LEPR: variants seen among roughly 807,000 people sequenced by gnomAD.
LEPR encodes OB receptor.
A neutral mutation model predicts 114.7 loss-of-function variants in LEPR; 56 were observed. That is an observed-to-expected ratio of 0.49 (90% CI 0.39 to 0.61). The LOEUF (loss-of-function observed/expected upper bound fraction) is 0.61, where lower values mean the gene tolerates loss of function less well. Among genes scored for constraint, LEPR ranks in the 20% least tolerant of loss-of-function variants. The probability of loss-of-function intolerance (pLI) is 0.00; values close to 1 mark genes in which losing one functional copy is unlikely to be tolerated. For synonymous variants in LEPR, 443 were observed against 461.4 expected, an observed-to-expected ratio of 0.96 and a Z score of 0.51; for missense variants, 1,202 against 1,352.9, an observed-to-expected ratio of 0.89 and a Z score of 1.75.
At chr1:65,499,553 T>C (rs1231307051) in intron 2 of LEPR, among the ~76,000 whole-genome samples, 3 of 152,114 alleles carry the variant, frequency 2.0e-5, no homozygotes, top group African/African-American at 7.2e-5. Context: ...GTCCCAGCCT[T>C]CACGAGTATA....
intron 2 of LEPR, among the ~76,000 whole-genome samples, chr1:65,527,947 G>A (rs1428677733): frequency 1.3e-5 from 2 of 152,094 alleles, no homozygotes; most frequent in Non-Finnish European, 1.5e-5. Context: ...AACAGCTCAC[G>A]GTCCACAGCC....
At chr1:65,503,140 T>C (rs1648543808) in intron 2 of LEPR, among the ~76,000 whole-genome samples, 1 of 152,072 alleles carries the variant, frequency 6.6e-6, no homozygotes, top group South Asian at 2.1e-4. Flanking sequence ...CAGACATTAC[T>C]GGGGTTTGGG....
chr1:65,544,725 A>G (rs568782631), intron 2 of LEPR, among the ~76,000 whole-genome samples: 9 of 151,688 alleles, frequency 5.9e-5, no homozygotes, highest in African/African-American at 1.7e-4. Flanking sequence ...TATAAATATA[A>G]TAGAATATTA....
chr1:65,531,283 C>T (rs776769770), intron 2 of LEPR, among the ~76,000 whole-genome samples: 13 of 152,134 alleles, frequency 8.5e-5, no homozygotes, highest in African/African-American at 2.4e-4. Context: ...CCACATGGTT[C>T]GCTTTGTTAC....
At chr1:65,578,911 A>C (rs1654787197) in intron 5 of LEPR, among the ~76,000 whole-genome samples, 1 of 152,192 alleles carries the variant, frequency 6.6e-6, no homozygotes, top group Non-Finnish European at 1.5e-5. Flanking sequence ...CCACTGGACT[A>C]ATTCTTTAAG....
chr1:65,558,411 T>A, intron 2 of LEPR, among the ~76,000 whole-genome samples: 1 of 151,824 alleles, frequency 6.6e-6, no homozygotes, highest in Non-Finnish European at 1.5e-5. Context: ...AAACAAACAC[T>A]TTTTTCCATT....
chr1:65,426,187 G>T (rs763786349), intron 2 of LEPR, among the ~76,000 whole-genome samples: 1 of 152,090 alleles, frequency 6.6e-6, no homozygotes, highest in African/African-American at 2.4e-5. Context: ...AGATCTCTAG[G>T]GAAAAAGCAC....
intron 2 of LEPR, among the ~76,000 whole-genome samples, chr1:65,484,106 C>T (rs1647353703): frequency 6.6e-6 from 1 of 152,002 alleles, no homozygotes; most frequent in African/African-American, 2.4e-5. Flanking sequence ...ATCCTCTTGC[C>T]TCGGCCTTCC....
At chr1:65,423,701 G>A (rs534124955) in intron 1 of LEPR, among the ~76,000 whole-genome samples, 10 of 152,164 alleles carry the variant, frequency 6.6e-5, no homozygotes, top group Non-Finnish European at 1.5e-4. Flanking sequence ...AAAGCACTTT[G>A]GCACCTTCCT....
intron 2 of LEPR, among the ~76,000 whole-genome samples, chr1:65,449,249 G>A (rs1029469645): frequency 2.1e-5 from 3 of 143,880 alleles, no homozygotes; most frequent in African/African-American, 7.8e-5. Flanking sequence ...AGGCTTAGTG[G>A]TTTTATTTAT....
At chr1:65,430,186 C>A in intron 2 of LEPR, 1 of 677,856 alleles carries the variant, frequency 1.5e-6, no homozygotes, top group Non-Finnish European at 2.2e-6. Flanking sequence ...TGTTCCTCTA[C>A]TTTAGACCTG....
intron 2 of LEPR, among the ~76,000 whole-genome samples, chr1:65,461,693 T>C (rs997350322): frequency 1.4e-4 from 22 of 152,208 alleles, no homozygotes; most frequent in African/African-American, 5.3e-4. Flanking sequence ...CACATTCAAG[T>C]GTGGGTTGCG....
chr1:65,598,516 T>C, intron 7 of LEPR, 144 bp from the exon 8 acceptor site: 1 of 1,220,680 alleles, frequency 8.2e-7, no homozygotes, highest in Non-Finnish European at 1.1e-6. Flanking sequence ...TGGTTATTGA[T>C]GTTTGTTTTA....
chr1:65,488,172 C>CTT (rs1343979468), intron 2 of LEPR, among the ~76,000 whole-genome samples: 2 of 12,628 alleles, frequency 1.6e-4, no homozygotes, highest in Middle Eastern at 0.062. Flanking sequence ...TTCTTTCTTT[C>CTT]TTTCTTTCTT....
chr1:65,540,000 C>T (rs780959197), intron 2 of LEPR, among the ~76,000 whole-genome samples: 2 of 152,174 alleles, frequency 1.3e-5, no homozygotes, highest in Non-Finnish European at 2.9e-5. Context: ...TAATAAATTT[C>T]TTTCCTGCTT....
chr1:65,428,823 A>C (rs1034787516), intron 2 of LEPR, among the ~76,000 whole-genome samples: 1 of 152,202 alleles, frequency 6.6e-6, no homozygotes, highest in Admixed American at 6.5e-5. Context: ...GTTGGAAACC[A>C]GATGGCAATT....
chr1:65,423,419 G>A (rs942962142), intron 1 of LEPR, among the ~76,000 whole-genome samples: 5 of 152,178 alleles, frequency 3.3e-5, no homozygotes, highest in Admixed American at 6.5e-5. Flanking sequence ...GGTTGTGAAC[G>A]TTGAGAAACT....
chr1:65,517,339 G>GGCCT (rs1192403499), intron 2 of LEPR, among the ~76,000 whole-genome samples: 1 of 152,104 alleles, frequency 6.6e-6, no homozygotes, highest in Non-Finnish European at 1.5e-5. Flanking sequence ...TGAAAGTCAG[G>GGCCT]GCCTGTGTAT....
At chr1:65,486,784 G>A (rs1025145165) in intron 2 of LEPR, among the ~76,000 whole-genome samples, 1 of 152,114 alleles carries the variant, frequency 6.6e-6, no homozygotes, top group African/African-American at 2.4e-5. Flanking sequence ...TGAGAGACAC[G>A]TGACCTCAGG....
Sources: allele counts gnomAD v4.1 joint callset (sites outside exome capture counted in the v4.1 genomes callset), GRCh38; gene constraint gnomAD v4.1.1; transcripts MANE v1.5; gene names NCBI Gene and HGNC (gene_info 2026-07-23, HGNC 2026-07-21).